Variants in TCTN2 observed in about 807,000 individuals in gnomAD.
TCTN2 encodes the protein tectonic-2.
A neutral mutation model predicts 83.4 loss-of-function variants in TCTN2; 66 were observed. The observed-to-expected ratio is 0.79, with a 90% CI of 0.65 to 0.97. The LOEUF (loss-of-function observed/expected upper bound fraction) is 0.97. TCTN2 is among the 50% of genes least tolerant of loss of function. The pLI, the probability that TCTN2 is intolerant of heterozygous loss-of-function variation, is 0.00. For synonymous variants in TCTN2, 301 were observed against 326.7 expected, an observed-to-expected ratio of 0.92 and a Z score of 0.85; for missense variants, 794 against 858.1, an observed-to-expected ratio of 0.93 and a Z score of 0.93.
chr12:123,691,198 A>G (rs1265691093), intron 8 of TCTN2, among the ~76,000 whole-genome samples: 2 of 152,140 alleles, frequency 1.3e-5, no homozygotes, highest in African/African-American at 4.8e-5. Context: ...TGTACAATTC[A>G]TTGACATTAG....
intron 14 of TCTN2, among the ~76,000 whole-genome samples, chr12:123,703,438 T>A (rs1412368538): frequency 6.6e-6 from 1 of 152,162 alleles, no homozygotes; most frequent in Non-Finnish European, 1.5e-5. Context: ...CACCTCAGCC[T>A]CCCAAAGTGT....
intron 14 of TCTN2, among the ~76,000 whole-genome samples, chr12:123,700,605 A>AT (rs1429533243): frequency 2.6e-5 from 4 of 151,890 alleles, no homozygotes; most frequent in East Asian, 3.9e-4. Flanking sequence ...TAATTTTTGT[A>AT]TTTTTTAAAT....
intron 14 of TCTN2, among the ~76,000 whole-genome samples, chr12:123,701,366 A>T (rs1956169935): frequency 6.6e-6 from 1 of 152,162 alleles, no homozygotes; most frequent in Admixed American, 6.6e-5. Flanking sequence ...AAACCATCGA[A>T]TTGCACACTT....
chr12:123,689,631 A>C (rs1956018070), intron 7 of TCTN2, among the ~76,000 whole-genome samples: 1 of 152,162 alleles, frequency 6.6e-6, no homozygotes, highest in Non-Finnish European at 1.5e-5. Context: ...CCAAGTACCC[A>C]ATAGTTTTTT....
At chr12:123,704,261 T>C (rs1199737107) in intron 14 of TCTN2, among the ~76,000 whole-genome samples, 1 of 152,102 alleles carries the variant, frequency 6.6e-6, no homozygotes, top group Non-Finnish European at 1.5e-5. Context: ...CGCCTCAGCC[T>C]CCCAAAGTGC....
intron 7 of TCTN2, among the ~76,000 whole-genome samples, chr12:123,689,786 G>A (rs990066501): frequency 4.6e-5 from 7 of 152,210 alleles, no homozygotes; most frequent in African/African-American, 1.7e-4. Flanking sequence ...GGAATCATTT[G>A]TATATCTATA....
In TCTN2 at chr12:123,672,060, A is replaced by G. The variant is rs748686342; in HGVS notation, c.195A>G (p.Ile65Met). 8 of 1,613,924 alleles carry G rather than the reference A, an allele frequency of 5.0e-6. No homozygotes were observed. The Admixed American group carries it at 5.0e-5, about 10-fold the overall frequency. Residue 65 changes from isoleucine to methionine, a missense_variant, in exon 3 of 18, where the codon ATA becomes ATG. Ile to Met is a conservative substitution (Grantham distance 10). Transcript: ENST00000303372. ...SLAVLQDEAGILPIPTCGVLN... is the reference protein window; with the variant it reads ...SLAVLQDEAGMLPIPTCGVLN... ...ATGCTGGTCTTCTTTCTTTAGGAAT[A>G]TTGCCAATTCCGACGTGTGGAGTGC... is the stretch of plus-strand genomic sequence containing the variant.
chr12:123,707,480 C>G, intron 17 of TCTN2, 124 bp from the exon 18 acceptor site: 1 of 910,976 alleles, frequency 1.1e-6, no homozygotes. Flanking sequence ...TCAAGTGATC[C>G]GCCCTCCTTG....
chr12:123,679,736 G>GTTTTTTTT, intron 5 of TCTN2, among the ~76,000 whole-genome samples: 1 of 105,742 alleles, frequency 9.5e-6, no homozygotes, highest in Non-Finnish European at 1.9e-5. Context: ...TTCAAATTGA[G>GTTTTTTTT]TTTTTTTTTT....
intron 15 of TCTN2, among the ~76,000 whole-genome samples, chr12:123,705,446 C>T (rs1470725913): frequency 6.6e-6 from 1 of 151,990 alleles, no homozygotes; most frequent in Non-Finnish European, 1.5e-5. Context: ...CAGGCATGAG[C>T]CACCGCGCCC....
At chr12:123,689,543 C>T (rs1956016907) in intron 7 of TCTN2, among the ~76,000 whole-genome samples, 1 of 152,098 alleles carries the variant, frequency 6.6e-6, no homozygotes, top group African/African-American at 2.4e-5. Context: ...TTCAGGGCTA[C>T]ATGAGCAGGT....
At chr12:123,702,969 C>G (rs1191907268) in intron 14 of TCTN2, among the ~76,000 whole-genome samples, 1 of 152,054 alleles carries the variant, frequency 6.6e-6, no homozygotes, top group East Asian at 1.9e-4. Flanking sequence ...AGCAAAGAAC[C>G]CCCTTCAGAG....
Position 123,707,012 on chromosome 12 carries a change from C to T in TCTN2, c.1923C>T (p.Asp641=). Residue 641 remains aspartate, a synonymous_variant, in exon 17 of 18, where the codon GAC becomes GAT. Transcript: ENST00000303372. Reference sequence around the variant, plus strand: ...TCCAGATCAATTATACAGAGTATGACTGCAACAGAAATGAGGTGTGTTGGC... The same window carrying T: ...TCCAGATCAATTATACAGAGTATGATTGCAACAGAAATGAGGTGTGTTGGC... ...TRFQINYTEY[D]CNRNEVCWPQ... The T allele has an allele frequency of 6.2e-7, 1 of 1,614,060 alleles. No individual in the cohort carries two copies. Among genetic ancestry groups the T allele is most frequent in the Non-Finnish European group, 8.5e-7 (1 of 1,180,008 alleles).
chr12:123,677,122 T>C (rs1955833289), intron 4 of TCTN2, among the ~76,000 whole-genome samples: 1 of 151,982 alleles, frequency 6.6e-6, no homozygotes. Context: ...GAGGCTGCAG[T>C]GAGCTGTGAT....
intron 4 of TCTN2, among the ~76,000 whole-genome samples, chr12:123,676,161 C>T (rs1955817895): frequency 1.3e-5 from 2 of 152,024 alleles, no homozygotes; most frequent in Admixed American, 6.6e-5. Context: ...GTGCCTGTAG[C>T]CCCAGCTATG....
At position 123,697,091 on chromosome 12, in the gene TCTN2, A is replaced by T. The variant is rs1475192436; in HGVS notation, c.1398A>T (p.Gly466=). ...VTTLHLWQSA[G]RGLCTSATFK... is the part of the protein sequence containing the mutation. ...GATAATCTTTTTCTTTTATAGCTGG[A>T]AGGGGTCTGTGTACATCAGCAACTT... Residue 466 remains glycine (G), a synonymous_variant, in exon 13 of 18, where the codon GGA becomes GGT. Coordinates refer to ENST00000303372, the MANE Select transcript of TCTN2 (RefSeq NM_024809.5). The T allele has an allele frequency of 6.2e-7, 1 of 1,612,226 alleles. No individual in the cohort carries two copies. Among genetic ancestry groups the T allele is most frequent in the African/African-American group, 1.3e-5 (1 of 74,898 alleles).
chr12:123,681,067 G>A (rs2135826250), intron 5 of TCTN2, among the ~76,000 whole-genome samples: 1 of 151,980 alleles, frequency 6.6e-6, no homozygotes, highest in Middle Eastern at 3.4e-3. Flanking sequence ...TCAGGAGTTG[G>A]ATACCAGCCT....
rs773524291 is a variant in TCTN2, at chr12:123,679,290, G to T, written c.564+1G>T. ...TGATGTTCGCTGCTGCTGTGACCAG[G>T]TATGTTCTTTGGTTATTGGGCACAA... On this transcript the variant is annotated splice_donor_variant, in intron 5 of 17. Transcript: ENST00000303372. LOFTEE classifies it high-confidence loss of function. 6.2e-7 allele frequency: 1 copy of T among 1,613,646 alleles called. No individual in the cohort carries two copies. Among genetic ancestry groups the T allele is most frequent in the South Asian group, 1.1e-5 (1 of 91,072 alleles).
chr12:123,703,462 G>A (rs1449981210), intron 14 of TCTN2, among the ~76,000 whole-genome samples: 1 of 152,118 alleles, frequency 6.6e-6, no homozygotes, highest in East Asian at 1.9e-4. Context: ...GATTACAGGC[G>A]TGAGCCACCA....
Sources: allele counts gnomAD v4.1 joint callset (sites outside exome capture counted in the v4.1 genomes callset), GRCh38; gene constraint gnomAD v4.1.1; transcripts MANE v1.5; gene names NCBI Gene and HGNC (gene_info 2026-07-23, HGNC 2026-07-21).